SPSB4: variants seen among roughly 807,000 people sequenced by gnomAD.
SPSB4 encodes SPRY domain-containing SOCS box protein 4.
A neutral mutation model predicts 20.9 loss-of-function variants in SPSB4; 21 were observed. The ratio of observed to expected loss-of-function variants is 1.01; its 90% CI spans 0.71 to 1.45. The LOEUF (loss-of-function observed/expected upper bound fraction) is 1.45. SPSB4 is among the 40% of genes most tolerant of loss of function. The pLI is 0.00. For synonymous variants in SPSB4, 207 were observed against 183.8 expected, an observed-to-expected ratio of 1.13 and a Z score of -1.02; for missense variants, 399 against 399.2, an observed-to-expected ratio of 1.00 and a Z score of 0.00.
At chr3:141,127,658 A>G (rs1939069013) in intron 2 of SPSB4, among the ~76,000 whole-genome samples, 1 of 152,120 alleles carries the variant, frequency 6.6e-6, no homozygotes, top group African/African-American at 2.4e-5. Context: ...TGTTCTGCCA[A>G]ACGTCAACCG....
chr3:141,107,942 G>A (rs1033970975), intron 2 of SPSB4, among the ~76,000 whole-genome samples: 8 of 151,576 alleles, frequency 5.3e-5, no homozygotes, highest in African/African-American at 1.5e-4. Flanking sequence ...GCAACAGAGC[G>A]AGACTCTGTC....
At chr3:141,114,904 T>C (rs1435060535) in intron 2 of SPSB4, among the ~76,000 whole-genome samples, 1 of 152,242 alleles carries the variant, frequency 6.6e-6, no homozygotes, top group African/African-American at 2.4e-5. Context: ...AATATGTGAA[T>C]GTTCTGGGCG....
intron 2 of SPSB4, among the ~76,000 whole-genome samples, chr3:141,138,311 G>A (rs951037514): frequency 5.9e-5 from 9 of 152,102 alleles, no homozygotes; most frequent in Admixed American, 2.6e-4. Context: ...ATTTTTTGAA[G>A]GGTTTTTTGT....
intron 2 of SPSB4, among the ~76,000 whole-genome samples, chr3:141,117,320 G>A (rs1321333813): frequency 6.6e-6 from 1 of 152,140 alleles, no homozygotes; most frequent in Non-Finnish European, 1.5e-5. Context: ...GGTCTTCTAA[G>A]TCCAGGCCTG....
At chr3:141,066,846 C>T in intron 2 of SPSB4, 48 bp downstream of exon 2, 1 of 1,480,290 alleles carries the variant, frequency 6.8e-7, no homozygotes. Flanking sequence ...GCTGCCAGGC[C>T]CTAGGGAAGC....
intron 2 of SPSB4, among the ~76,000 whole-genome samples, chr3:141,115,509 A>G (rs1416195651): frequency 2.0e-5 from 3 of 152,138 alleles, no homozygotes; most frequent in Admixed American, 2.0e-4. Context: ...GCTCCCCACT[A>G]TTCAGTTAGG....
chr3:141,066,141 G>A lies in SPSB4; in HGVS notation c.37G>A (p.Glu13Lys), dbSNP rs940676674. ...QKLSGSLKSVEVREPALRPAK... is the reference protein window; with the variant it reads ...QKLSGSLKSVKVREPALRPAK... ...GCTCTCGGGGAGCCTCAAGTCAGTGGAGGTGCGAGAGCCGGCGCTGCGGCC... is the reference window on the plus strand; with the variant it reads ...GCTCTCGGGGAGCCTCAAGTCAGTGAAGGTGCGAGAGCCGGCGCTGCGGCC... Residue 13 changes from glutamate to lysine, a missense_variant, in exon 2 of 3, where the codon GAG (glutamate) becomes AAG (lysine). Glu to Lys is a moderately conservative substitution (Grantham distance 56, BLOSUM62 1). Coordinates refer to ENST00000310546, the MANE Select transcript of SPSB4 (RefSeq NM_080862.3). 2.3e-5 allele frequency: 36 copies of A among 1,532,686 alleles called. No homozygotes were observed. In the Admixed American group the frequency reaches 7.1e-4, roughly 30 times the overall value. 94.9% of individuals were successfully genotyped at this position (1,532,686 alleles called of 1,614,324 possible).
At chr3:141,063,696 C>T (rs1027160912) in intron 1 of SPSB4, among the ~76,000 whole-genome samples, 10 of 152,234 alleles carry the variant, frequency 6.6e-5, no homozygotes, top group Admixed American at 1.3e-4. Context: ...TTGTCCTGTT[C>T]GTTTATTCCT....
rs1938978170 is a variant in SPSB4 at position 141,122,210 on chromosome 3, A to G, written c.695-24932A>G. On this transcript the variant is annotated intron_variant, in intron 2 of 2. Coordinates refer to ENST00000310546, the MANE Select transcript of SPSB4 (RefSeq NM_080862.3). ...GTCTTTTGGAATTTGCTGGAGGTCT[A>G]CTCCAGACCCTGTTTGCCTGGGTAT... Among the ~76,000 whole-genome samples, 3 of 151,842 alleles carry G rather than the reference A, an allele frequency of 2.0e-5. No homozygotes were observed. In the South Asian group the frequency reaches 6.3e-4, roughly 32 times the overall value.
intron 2 of SPSB4, among the ~76,000 whole-genome samples, chr3:141,117,729 C>T (rs1299274168): frequency 6.6e-6 from 1 of 152,194 alleles, no homozygotes; most frequent in Non-Finnish European, 1.5e-5. Flanking sequence ...GTTCAACTCC[C>T]ACTTATGAGT....
intron 2 of SPSB4, among the ~76,000 whole-genome samples, chr3:141,135,719 T>C (rs377750290): frequency 2.0e-5 from 3 of 151,856 alleles, no homozygotes; most frequent in Admixed American, 6.6e-5. Context: ...ATATGTGCCA[T>C]ATTTTCTTAA....
chr3:141,137,037 C>T (rs1206202014), intron 2 of SPSB4, among the ~76,000 whole-genome samples: 1 of 152,078 alleles, frequency 6.6e-6, no homozygotes, highest in Non-Finnish European at 1.5e-5. Context: ...TTGTAGTTCT[C>T]CTTGAAGAGG....
At chr3:141,118,639 C>T (rs1378957052) in intron 2 of SPSB4, among the ~76,000 whole-genome samples, 2 of 152,190 alleles carry the variant, frequency 1.3e-5, no homozygotes, top group Non-Finnish European at 2.9e-5. Context: ...ACATTTAGGT[C>T]TTTAATCCAT....
intron 2 of SPSB4, among the ~76,000 whole-genome samples, chr3:141,114,960 A>C (rs961857422): frequency 5.3e-5 from 8 of 152,188 alleles, no homozygotes; most frequent in African/African-American, 1.7e-4. Context: ...TGAGCCCAGC[A>C]GCCCTGCCAA....
chr3:141,141,481 C>G (rs1236024008), intron 2 of SPSB4, among the ~76,000 whole-genome samples: 6 of 152,166 alleles, frequency 3.9e-5, no homozygotes, highest in African/African-American at 1.2e-4. Context: ...TCCACCCCCC[C>G]AGTTTTTCAA....
chr3:141,146,453 A>G lies in SPSB4; in HGVS notation c.695-689A>G, dbSNP rs1178620567. ...CACCAGCTTTTAAACATTTTCCATC[A>G]TGACCTGAAGTGAGAAGTCCTTTTC... On this transcript the variant is annotated intron_variant, in intron 2 of 2. Transcript: ENST00000310546. Among the ~76,000 whole-genome samples the G allele has an allele frequency of 3.3e-5, 5 of 152,122 alleles. No individual in the cohort carries two copies. In the East Asian group the frequency reaches 9.6e-4, roughly 29 times the overall value.
intron 2 of SPSB4, among the ~76,000 whole-genome samples, chr3:141,070,550 A>AT (rs1937982774): frequency 6.6e-6 from 1 of 151,850 alleles, no homozygotes; most frequent in African/African-American, 2.4e-5. Flanking sequence ...TTTAAAAAAA[A>AT]ATTTTTTTTG....
chr3:141,070,473 A>G (rs1937979669), intron 2 of SPSB4, among the ~76,000 whole-genome samples: 1 of 152,040 alleles, frequency 6.6e-6, no homozygotes. Flanking sequence ...TGGGGCTACA[A>G]GGATATGCCA....
At chr3:141,147,078 G>A in intron 2 of SPSB4, 64 bp from the exon 3 acceptor site, 2 of 1,600,928 alleles carry the variant, frequency 1.2e-6, no homozygotes, top group Non-Finnish European at 8.5e-7. Flanking sequence ...ATGCAGTGGG[G>A]GCTGGGATGA....
Sources: gnomAD v4.1 joint callset for allele counts (sites outside exome capture counted in the v4.1 genomes callset) on GRCh38, gnomAD v4.1.1 for gene constraint, MANE v1.5 for transcripts, NCBI Gene and HGNC (gene_info 2026-07-23, HGNC 2026-07-21) for gene names.